The following KRTAP24-1 variants were observed in gnomAD, a reference collection of about 807,000 sequenced individuals.
KRTAP24-1 encodes keratin-associated protein 24-1.
For missense variants in KRTAP24-1, 344 were observed against 303.2 expected, an observed-to-expected ratio of 1.13 and a Z score of -1.00; for synonymous variants, 133 against 116.3, an observed-to-expected ratio of 1.14 and a Z score of -0.92.
rs775951237 is a variant in KRTAP24-1 at position 30,282,899 on chromosome 21, G to A, written c.34C>T (p.Pro12Ser). 71 of 1,613,040 alleles carry A rather than the reference G, an allele frequency of 4.4e-5. 1 individual carries two copies. The South Asian group carries it at 7.5e-4, about 17-fold the overall frequency. Residue 12 changes from proline (P) to serine (S), a missense_variant, in exon 1 of 1, where the codon CCT (proline) becomes TCT (serine). Transcript: ENST00000340345. The stretch of plus-strand genomic sequence containing the variant: ...TATGATGTGGTACTGCAGACCCCAG[G>A]ATAGCCTGTAGTAGACATGGAGCCT... ...PAGSMSTTGYPGVCSTTSYRT... is the reference protein window; with the variant it reads ...PAGSMSTTGYSGVCSTTSYRT...
rs200385261 is a variant in KRTAP24-1 at position 30,282,279 on chromosome 21, G to A, written c.654C>T (p.Cys218=). The A allele has an allele frequency of 8.4e-5, 136 of 1,614,008 alleles. 1 individual carries two copies. The African/African-American group carries it at 1.3e-3, about 15-fold the overall frequency. The change falls in exon 1 of 1, where the codon TGC becomes TGT. Residue 218 remains cysteine, a synonymous_variant. Transcript: ENST00000340345. ...TTCTAGATAAATAGCTCAGTGGTCG[G>A]CAGCTCGTAGGCCTGTAGCTTGAAT... ...YHYSSYRPTS[C]RPLSYLSRSF...
Position 30,282,429 on chromosome 21 carries a change from G to A in KRTAP24-1, c.504C>T (p.Cys168=), listed in dbSNP as rs757737119. ...TTTTATACCCCAAAGTACTCAATCT[G>A]CAGTGGTTTAGAGTTTGGAAACTCT... is the stretch of plus-strand genomic sequence containing the variant. ...LSKSFQTLNH[C]RLSTLGYKSY... Residue 168 remains cysteine, a synonymous_variant, in exon 1 of 1, where the codon TGC becomes TGT. Coordinates refer to ENST00000340345, the MANE Select transcript of KRTAP24-1 (RefSeq NM_001085455.3). 1 of 1,614,058 alleles carries A rather than the reference G, an allele frequency of 6.2e-7. No individual in the cohort carries two copies. Among genetic ancestry groups the A allele is most frequent in the African/African-American group, 1.3e-5 (1 of 74,930 alleles).
At position 30,282,503 on chromosome 21, in the gene KRTAP24-1, T is replaced by C; in HGVS notation, c.430A>G (p.Thr144Ala). The change falls in exon 1 of 1, where the codon ACC (threonine) becomes GCC (alanine). Residue 144 changes from threonine (T) to alanine (A), a missense_variant. Coordinates refer to ENST00000340345, the MANE Select transcript of KRTAP24-1 (RefSeq NM_001085455.3). ...AAGCAGTTGGAACCGTTGCGGAGGGTTTGGCAGGCTTTGGATGCATTTCGA... is the reference window on the plus strand; with the variant it reads ...AAGCAGTTGGAACCGTTGCGGAGGGCTTGGCAGGCTTTGGATGCATTTCGA... Reference protein sequence around the residue: ...PTRNASKACQTLRNGSNCFGQ... With the variant: ...PTRNASKACQALRNGSNCFGQ... 1 of 1,613,682 alleles carries C rather than the reference T, an allele frequency of 6.2e-7. No individual in the cohort carries two copies. Among genetic ancestry groups the C allele is most frequent in the Non-Finnish European group, 8.5e-7 (1 of 1,179,834 alleles).
chr21:30,282,737 C>A lies in KRTAP24-1; in HGVS notation c.196G>T (p.Gly66Cys), dbSNP rs371296443. 6.2e-7 allele frequency: 1 copy of A among 1,613,912 alleles called. No homozygotes were observed. Among genetic ancestry groups the A allele is most frequent in the African/African-American group, 1.3e-5 (1 of 75,004 alleles). ...GGAGATTTGCAGGTTGGTGCTTCACCGTAGGATTCTTGGCAGTAATCCAGG... is the reference window on the plus strand; with the variant it reads ...GGAGATTTGCAGGTTGGTGCTTCACAGTAGGATTCTTGGCAGTAATCCAGG... ...WLLDYCQESYGEAPTCKSPSC... is the reference protein window; with the variant it reads ...WLLDYCQESYCEAPTCKSPSC... Residue 66 changes from glycine (G) to cysteine (C), a missense_variant, in exon 1 of 1, where the codon GGT (glycine) becomes TGT (cysteine). Physicochemically the swap from Gly to Cys is radical, Grantham distance 159. Transcript: ENST00000340345.
In KRTAP24-1 at chr21:30,282,809, T is replaced by C; in HGVS notation, c.124A>G (p.Thr42Ala). 1.2e-6 allele frequency: 2 copies of C among 1,614,060 alleles called. No individual in the cohort carries two copies. The highest frequency in any genetic ancestry group is 1.7e-6 in the Non-Finnish European group (2 of 1,179,968). ...CTACTGGGTAAGCAGTGTCCAAAGG[T>C]AGGGCTTAAATCACTGGAGCTAAGA... ...VTLSSSDLSP[T>A]FGHCLPSSYQ... Residue 42 changes from threonine (T) to alanine (A), a missense_variant, in exon 1 of 1, where the codon ACC becomes GCC. Thr to Ala is a moderately conservative substitution (Grantham distance 58, BLOSUM62 0). Coordinates refer to ENST00000340345, the MANE Select transcript of KRTAP24-1 (RefSeq NM_001085455.3).
At position 30,282,231 on chromosome 21, in the gene KRTAP24-1, T is replaced by C. The variant is rs1011818190; in HGVS notation, c.702A>G (p.Ile234Met). The change falls in exon 1 of 1, where the codon ATA (isoleucine) becomes ATG (methionine). Residue 234 changes from isoleucine to methionine, a missense_variant. By Grantham distance (10) the Ile-to-Met change is conservative (BLOSUM62 1). Coordinates refer to ENST00000340345, the MANE Select transcript of KRTAP24-1 (RefSeq NM_001085455.3). ...LSRSFRSLSY[I>M]PSTFPPLRYL... ...ACCTCAGAGGTGGAAAGGTACTGGG[T>C]ATATAGCTCAGAGATCTGAAGCTTC... The C allele has an allele frequency of 1.2e-6, 2 of 1,614,108 alleles. No homozygotes were observed. The highest frequency in any genetic ancestry group is 2.7e-5 in the African/African-American group (2 of 75,032).
chr21:30,282,346 T>G lies in KRTAP24-1; in HGVS notation c.587A>C (p.Asn196Thr). Reference sequence around the variant, plus strand: ...TAAATAGCTTTGGGGTTGGCAGCTGTTGGAAATATAACATAATGGTGAGAC... The same window carrying G: ...TAAATAGCTTTGGGGTTGGCAGCTGGTGGAAATATAACATAATGGTGAGAC... ...SYVSPLCYIS[N>T]SCQPQSYLVR... is the part of the protein sequence containing the mutation. The change falls in exon 1 of 1, where the codon AAC becomes ACC. Residue 196 changes from asparagine (N) to threonine (T), a missense_variant. By Grantham distance (65) the Asn-to-Thr change is moderately conservative (BLOSUM62 0). Coordinates refer to ENST00000340345, the MANE Select transcript of KRTAP24-1 (RefSeq NM_001085455.3). 6.2e-7 allele frequency: 1 copy of G among 1,614,116 alleles called. No individual in the cohort carries two copies. The highest frequency in any genetic ancestry group is 1.3e-5 in the African/African-American group (1 of 75,042).
At position 30,282,796 on chromosome 21, in the gene KRTAP24-1, C is replaced by T. The variant is rs202216998; in HGVS notation, c.137G>A (p.Cys46Tyr). 5.2e-5 allele frequency: 84 copies of T among 1,613,948 alleles called. No individual in the cohort carries two copies. In the African/African-American group the frequency reaches 1.0e-3, roughly 19 times the overall value. ...ATTTCCTTGGTAGCTACTGGGTAAG[C>T]AGTGTCCAAAGGTAGGGCTTAAATC... is the stretch of plus-strand genomic sequence containing the variant. ...SSDLSPTFGH[C>Y]LPSSYQGNLW... Residue 46 changes from cysteine (C) to tyrosine (Y), a missense_variant, in exon 1 of 1, where the codon TGC becomes TAC. Physicochemically the swap from Cys to Tyr is radical, Grantham distance 194 (BLOSUM62 -2). Transcript: ENST00000340345.
chr21:30,282,651 G>C lies in KRTAP24-1; in HGVS notation c.282C>G (p.Pro94=). Residue 94 remains proline (P), a synonymous_variant, in exon 1 of 1, where the codon CCC becomes CCG. Coordinates refer to ENST00000340345, the MANE Select transcript of KRTAP24-1 (RefSeq NM_001085455.3). The part of the protein sequence containing the change: ...TGCDPSNSSV[P]CNSPSAGQVF... ...CTTGGCCTGCTGATGGGGAGTTGCA[G>C]GGCACAGAGGAGTTTGACGGGTCAC... 3 of 1,596,006 alleles carry C rather than the reference G, an allele frequency of 1.9e-6. No individual in the cohort carries two copies. The highest frequency in any genetic ancestry group is 2.6e-6 in the Non-Finnish European group (3 of 1,170,910).
Position 30,282,200 on chromosome 21 carries a change from A to G in KRTAP24-1, c.733T>C (p.Cys245Arg). 1 of 1,613,610 alleles carries G rather than the reference A, an allele frequency of 6.2e-7. No individual in the cohort carries two copies. Among genetic ancestry groups the G allele is most frequent in the Non-Finnish European group, 8.5e-7 (1 of 1,179,962 alleles). ...PSTFPPLRYL[C>R]SGSRPLKCY is the part of the protein sequence containing the mutation. ...CATTTCAGAGGTCTGCTACCACTGC[A>G]CAAATACCTCAGAGGTGGAAAGGTA... The change falls in exon 1 of 1, where the codon TGC (cysteine) becomes CGC (arginine). Residue 245 changes from cysteine to arginine, a missense_variant. By Grantham distance (180) the Cys-to-Arg change is radical. Transcript: ENST00000340345.
In KRTAP24-1 at chr21:30,281,957, T is replaced by C; in HGVS notation, c.*211A>G. On this transcript the variant is annotated 3_prime_UTR_variant, in exon 1 of 1. Coordinates refer to ENST00000340345, the MANE Select transcript of KRTAP24-1 (RefSeq NM_001085455.3). ...TGATGTTACCTTCAGGGTCAGCTTTTAGTACAAAGAGCAATAACAGAACAA... is the reference window on the plus strand; with the variant it reads ...TGATGTTACCTTCAGGGTCAGCTTTCAGTACAAAGAGCAATAACAGAACAA... 3.7e-6 allele frequency: 2 copies of C among 535,852 alleles called. No individual in the cohort carries two copies. The highest frequency in any genetic ancestry group is 2.9e-5 in the South Asian group (1 of 34,400). The allele number at this position is 535,852 out of a possible 1,614,324, so 33.2% of individuals were successfully genotyped here. A position where few individuals can be genotyped will look rare whatever the true frequency, so the allele number is the denominator to read the frequency against.
chr21:30,282,780 G>A lies in KRTAP24-1; in HGVS notation c.153C>T (p.Tyr51=), dbSNP rs1223407727. ...PTFGHCLPSS[Y]QGNLWLLDYC... ...AATCCAGGAGCCAGAGATTTCCTTG[G>A]TAGCTACTGGGTAAGCAGTGTCCAA... Residue 51 remains tyrosine, a synonymous_variant, in exon 1 of 1, where the codon TAC becomes TAT. Coordinates refer to ENST00000340345, the MANE Select transcript of KRTAP24-1 (RefSeq NM_001085455.3). 3.1e-6 allele frequency: 5 copies of A among 1,613,990 alleles called. No homozygotes were observed. The South Asian group carries it at 3.3e-5, about 11-fold the overall frequency.
At position 30,282,904 on chromosome 21, in the gene KRTAP24-1, C is replaced by T; in HGVS notation, c.29G>A (p.Gly10Asp). Residue 10 changes from glycine (G) to aspartate (D), a missense_variant, in exon 1 of 1, where the codon GGC (glycine) becomes GAC (aspartate). Coordinates refer to ENST00000340345, the MANE Select transcript of KRTAP24-1 (RefSeq NM_001085455.3). Reference sequence around the variant, plus strand: ...TGTGGTACTGCAGACCCCAGGATAGCCTGTAGTAGACATGGAGCCTGCAGG... The same window carrying T: ...TGTGGTACTGCAGACCCCAGGATAGTCTGTAGTAGACATGGAGCCTGCAGG... MPAGSMSTT[G>D]YPGVCSTTSY... The T allele has an allele frequency of 1.2e-6, 2 of 1,612,310 alleles. No homozygotes were observed. Among genetic ancestry groups the T allele is most frequent in the Non-Finnish European group, 1.7e-6 (2 of 1,179,078 alleles).
Position 30,282,484 on chromosome 21 carries a change from T to G in KRTAP24-1, c.449A>C (p.Asn150Thr), listed in dbSNP as rs1318557779. 2 of 1,614,100 alleles carry G rather than the reference T, an allele frequency of 1.2e-6. No individual in the cohort carries two copies. The highest frequency in any genetic ancestry group is 8.5e-7 in the Non-Finnish European group (1 of 1,179,978). ...KACQTLRNGS[N>T]CFGQLNCLSK... is the part of the protein sequence containing the mutation. The stretch of plus-strand genomic sequence containing the variant: ...TAAGCAGTTAAGTTGTCCAAAGCAG[T>G]TGGAACCGTTGCGGAGGGTTTGGCA... Residue 150 changes from asparagine to threonine, a missense_variant, in exon 1 of 1, where the codon AAC becomes ACC. By Grantham distance (65) the Asn-to-Thr change is moderately conservative. Coordinates refer to ENST00000340345, the MANE Select transcript of KRTAP24-1 (RefSeq NM_001085455.3).
rs1356770632 is a variant in KRTAP24-1, at chr21:30,281,949, T to C, written c.*219A>G. 17 of 515,178 alleles carry C rather than the reference T, an allele frequency of 3.3e-5. No homozygotes were observed. The highest frequency in any genetic ancestry group is 5.4e-5 in the Non-Finnish European group (16 of 295,530). 31.9% of individuals were successfully genotyped at this position (515,178 alleles called of 1,614,324 possible). A position where few individuals can be genotyped will look rare whatever the true frequency, so the allele number is the denominator to read the frequency against. ...AGAAATAATGATGTTACCTTCAGGG[T>C]CAGCTTTTAGTACAAAGAGCAATAA... On this transcript the variant is annotated 3_prime_UTR_variant, in exon 1 of 1. Coordinates refer to ENST00000340345, the MANE Select transcript of KRTAP24-1 (RefSeq NM_001085455.3).
In KRTAP24-1 at chr21:30,282,519, T is replaced by C; in HGVS notation, c.414A>G (p.Ala138=). The C allele has an allele frequency of 6.2e-7, 1 of 1,613,356 alleles. No individual in the cohort carries two copies. The change falls in exon 1 of 1, where the codon GCA becomes GCG. Residue 138 remains alanine (A), a synonymous_variant. Coordinates refer to ENST00000340345, the MANE Select transcript of KRTAP24-1 (RefSeq NM_001085455.3). The part of the protein sequence containing the change: ...VCNCHIPTRN[A]SKACQTLRNG... ...TGCGGAGGGTTTGGCAGGCTTTGGA[T>C]GCATTTCGAGTGGGTATGTGGCAAT...
rs1039253845 is a variant in KRTAP24-1, at chr21:30,281,423, T to G, written c.*745A>C. On this transcript the variant is annotated 3_prime_UTR_variant, in exon 1 of 1. Transcript: ENST00000340345. ...ATCCTAAACGCAGATTACACATAAT[T>G]GTAAAGGGTCTCTAACAGTATTTGT... 2.6e-5 allele frequency: 4 copies of G among 152,196 alleles called. No individual in the cohort carries two copies. The highest frequency in any genetic ancestry group is 9.7e-5 in the African/African-American group (4 of 41,446). 9.4% of individuals were successfully genotyped at this position (152,196 alleles called of 1,614,324 possible).
Position 30,282,018 on chromosome 21 carries a change from TG to T in KRTAP24-1, c.*149del. 1.3e-6 allele frequency: 1 copy of T among 761,804 alleles called. No individual in the cohort carries two copies. The highest frequency in any genetic ancestry group is 2.1e-6 in the Non-Finnish European group (1 of 479,022). 47.2% of individuals were successfully genotyped at this position (761,804 alleles called of 1,614,324 possible). A position where few individuals can be genotyped will look rare whatever the true frequency, so the allele number is the denominator to read the frequency against. On this transcript the variant is annotated 3_prime_UTR_variant, in exon 1 of 1. Coordinates refer to ENST00000340345, the MANE Select transcript of KRTAP24-1 (RefSeq NM_001085455.3). ...AAAACCTAGCAGGTGATACTGGCTG[TG>T]GTTAATAAACCTGGGAGTTGTATTT... is the stretch of plus-strand genomic sequence containing the variant.
At position 30,282,615 on chromosome 21, in the gene KRTAP24-1, G is replaced by A; in HGVS notation, c.318C>T (p.Val106=). 13 of 1,588,104 alleles carry A rather than the reference G, an allele frequency of 8.2e-6. No individual in the cohort carries two copies. Among genetic ancestry groups the A allele is most frequent in the Non-Finnish European group, 1.0e-5 (12 of 1,167,470 alleles). ...NSPSAGQVFS[V]CETTNVSPSP... ...TGGGGCTGACGTTGGTAGTTTCACA[G>A]ACACTGAAGACTTGGCCTGCTGATG... Residue 106 remains valine, a synonymous_variant, in exon 1 of 1, where the codon GTC becomes GTT. Transcript: ENST00000340345.
Sources: allele counts gnomAD v4.1 joint callset, GRCh38; gene constraint gnomAD v4.1.1; transcripts MANE v1.5; gene names NCBI Gene and HGNC (gene_info 2026-07-23, HGNC 2026-07-21).